Variants in GPHN observed in about 807,000 individuals in gnomAD.
GPHN encodes gephyrin.
GPHN carries 17 observed loss-of-function variants against 95.5 expected under a neutral mutation model. The observed-to-expected ratio is 0.18, with a 90% confidence interval of 0.12 to 0.27. The LOEUF (loss-of-function observed/expected upper bound fraction) is 0.27. Ranked by LOEUF, GPHN falls within the 10% of genes least tolerant of loss-of-function variation. GPHN has a pLI of 1.00. For missense variants in GPHN, 660 were observed against 978.1 expected (o/e 0.67, Z 4.34); for synonymous variants, 320 against 322.5 (o/e 0.99, Z 0.08).
chr14:67,474,233 C>T, the GPHN span, among the ~76,000 whole-genome samples: 2 of 149,794 alleles, frequency 1.3e-5, no homozygotes, highest in Non-Finnish European at 3.0e-5. Context: ...GCCTGGGAGA[C>T]AGAGTGAGAC....
the GPHN span, among the ~76,000 whole-genome samples, chr14:67,353,262 G>T: frequency 6.6e-6 from 1 of 152,178 alleles, no homozygotes; most frequent in Non-Finnish European, 1.5e-5. Context: ...GTTGGGAGGT[G>T]GGACCATCAA....
At chr14:67,394,732 T>C in the GPHN span, among the ~76,000 whole-genome samples, 2 of 152,206 alleles carry the variant, frequency 1.3e-5, no homozygotes, top group Non-Finnish European at 2.9e-5. Flanking sequence ...AAATCCCCAA[T>C]GTGGCAATAT....
the GPHN span, among the ~76,000 whole-genome samples, chr14:67,222,387 G>T: frequency 6.6e-6 from 1 of 152,118 alleles, no homozygotes; most frequent in Non-Finnish European, 1.5e-5. Flanking sequence ...TGCCTTTTGA[G>T]TTCAAGTGAT....
At chr14:66,823,547 A>T (rs1214551579) in intron 3 of GPHN, among the ~76,000 whole-genome samples, 2 of 152,200 alleles carry the variant, frequency 1.3e-5, no homozygotes, top group African/African-American at 2.4e-5. Context: ...ATGTTTTTAA[A>T]AATAGTTTGT....
chr14:67,087,055 A>C (rs1363259833), intron 11 of GPHN, among the ~76,000 whole-genome samples: 1 of 151,480 alleles, frequency 6.6e-6, no homozygotes, highest in Non-Finnish European at 1.5e-5. Context: ...AAAAAAAAAA[A>C]ACTCTCTTCC....
chr14:67,710,701 T>G, the GPHN span, among the ~76,000 whole-genome samples: 1 of 152,034 alleles, frequency 6.6e-6, no homozygotes, highest in African/African-American at 2.4e-5. Context: ...AGACAAAAAT[T>G]TTTCACTTTT....
chr14:67,429,230 A>AT, the GPHN span, among the ~76,000 whole-genome samples: 4,949 of 134,610 alleles, frequency 0.037, 170 homozygotes, highest in African/African-American at 0.096. Flanking sequence ...CAAGTGGACA[A>AT]TTTTTTTTTT....
chr14:66,607,374 GT>G (rs748259071), intron 1 of GPHN, among the ~76,000 whole-genome samples: 4 of 150,302 alleles, frequency 2.7e-5, no homozygotes, highest in South Asian at 2.1e-4. Context: ...CATTTCGCTA[GT>G]TTTTTTTTGT....
At chr14:66,982,972 C>T (rs951940350) in intron 9 of GPHN, among the ~76,000 whole-genome samples, 1 of 151,924 alleles carries the variant, frequency 6.6e-6, no homozygotes, top group Non-Finnish European at 1.5e-5. Context: ...AGCATTTGGC[C>T]GGGCACGGTG....
At chr14:66,817,931 G>T (rs1333377046) in intron 3 of GPHN, among the ~76,000 whole-genome samples, 1 of 152,126 alleles carries the variant, frequency 6.6e-6, no homozygotes, top group Non-Finnish European at 1.5e-5. Context: ...AAGGGTTGTA[G>T]AAATAGACCC....
At chr14:67,295,937 C>A in the GPHN span, among the ~76,000 whole-genome samples, 2 of 151,154 alleles carry the variant, frequency 1.3e-5, no homozygotes. Flanking sequence ...TAATAGAAAC[C>A]AAAAAAAACC....
Position 67,113,113 on chromosome 14 carries a change from T to C in GPHN, c.1568T>C (p.Val523Ala). Residue 523 changes from valine to alanine, a missense_variant, in exon 16 of 23, where the codon GTC (valine) becomes GCC (alanine). Val to Ala is a moderately conservative substitution (Grantham distance 64, BLOSUM62 0). This residue lies in a region of GPHN where 257 missense variants were observed against 376.2 expected (regional missense o/e 0.68). Coordinates refer to ENST00000478722, the MANE Select transcript of GPHN (RefSeq NM_020806.5). ...ATTGGTCTTCTGGCAACTGTAGGTG[T>C]CACAGAGGTTGAAGTTAATAAGTTT... Reference protein sequence around the residue: ...SEIGLLATVGVTEVEVNKFPV... With the variant: ...SEIGLLATVGATEVEVNKFPV... The C allele has an allele frequency of 6.2e-7, 1 of 1,613,856 alleles. No homozygotes were observed. The highest frequency in any genetic ancestry group is 8.5e-7 in the Non-Finnish European group (1 of 1,179,758).
chr14:66,679,340 A>G (rs1015677197), intron 1 of GPHN, among the ~76,000 whole-genome samples: 5 of 152,108 alleles, frequency 3.3e-5, no homozygotes, highest in Non-Finnish European at 5.9e-5. Context: ...TGAAAGTGAT[A>G]TGTCTTTTTT....
the GPHN span, among the ~76,000 whole-genome samples, chr14:67,673,388 C>A: frequency 6.6e-6 from 1 of 151,998 alleles, no homozygotes; most frequent in Admixed American, 6.6e-5. Context: ...AAGTCCCATC[C>A]CCTATTCTTT....
At chr14:66,956,562 T>C (rs1596501867) in intron 8 of GPHN, among the ~76,000 whole-genome samples, 1 of 151,964 alleles carries the variant, frequency 6.6e-6, no homozygotes, top group East Asian at 1.9e-4. Context: ...TCCTGACTTT[T>C]TAATGATCGC....
chr14:67,059,848 T>C (rs1415324640), intron 11 of GPHN, among the ~76,000 whole-genome samples: 1 of 152,168 alleles, frequency 6.6e-6, no homozygotes, highest in Non-Finnish European at 1.5e-5. Context: ...GCTTAAATCG[T>C]TTGTTTTTCT....
chr14:67,188,821 T>TTTTC, the GPHN span, among the ~76,000 whole-genome samples: 26 of 150,878 alleles, frequency 1.7e-4, no homozygotes, highest in Non-Finnish European at 3.4e-4. Flanking sequence ...TTCTTTTTCT[T>TTTTC]TTTCTTTCTT....
chr14:66,756,856 C>T (rs977294632), intron 2 of GPHN, among the ~76,000 whole-genome samples: 1 of 152,106 alleles, frequency 6.6e-6, no homozygotes, highest in African/African-American at 2.4e-5. Flanking sequence ...TTATTTAAGT[C>T]TGAATCATGT....
At chr14:66,884,708 A>T (rs1315527102) in intron 5 of GPHN, among the ~76,000 whole-genome samples, 1 of 151,566 alleles carries the variant, frequency 6.6e-6, no homozygotes, top group Non-Finnish European at 1.5e-5. Context: ...CATTAATTTG[A>T]TTTATGATCT....
Sources: gnomAD v4.1 joint callset for allele counts (sites outside exome capture counted in the v4.1 genomes callset) on GRCh38, gnomAD v4.1.1 for gene constraint, gnomAD v4.1.1 regional missense constraint, MANE v1.5 for transcripts, NCBI Gene and HGNC (gene_info 2026-07-23, HGNC 2026-07-21) for gene names.